NRXN1: variants seen among roughly 807,000 people sequenced by gnomAD.
NRXN1 encodes neurexin 1.
NRXN1 carries 39 observed loss-of-function variants against 150.9 expected under a neutral mutation model. The observed-to-expected ratio is 0.26, with a 90% CI of 0.20 to 0.34. NRXN1 has a LOEUF of 0.34. NRXN1 is among the 10% of genes least tolerant of loss of function. The probability of loss-of-function intolerance (pLI) is 1.00; values close to 1 mark genes in which losing one functional copy is unlikely to be tolerated. For synonymous variants in NRXN1, 924 were observed against 757.0 expected (o/e 1.22, Z -3.62); for missense variants, 1,815 against 1,949.9 (o/e 0.93, Z 1.30).
intron 17 of NRXN1, among the ~76,000 whole-genome samples, chr2:50,449,855 A>C (rs1448307339): frequency 6.6e-6 from 1 of 152,144 alleles, no homozygotes; most frequent in Non-Finnish European, 1.5e-5. Flanking sequence ...GGAGGATGTT[A>C]CCATACATCA....
intron 5 of NRXN1, among the ~76,000 whole-genome samples, chr2:50,882,886 A>G (rs1366043883): frequency 6.6e-6 from 1 of 151,906 alleles, no homozygotes; most frequent in Non-Finnish European, 1.5e-5. Flanking sequence ...TATAAAAAAG[A>G]TATACAGTTT....
At chr2:50,814,124 T>C (rs1043965987) in intron 5 of NRXN1, among the ~76,000 whole-genome samples, 8 of 152,078 alleles carry the variant, frequency 5.3e-5, no homozygotes, top group Non-Finnish European at 1.2e-4. Context: ...ATTTCATCAG[T>C]GATAATATGT....
At chr2:50,623,179 T>A in intron 6 of NRXN1, 135 bp downstream of exon 6, 3 of 662,844 alleles carry the variant, frequency 4.5e-6, no homozygotes, top group Non-Finnish European at 7.6e-6. Flanking sequence ...GGAAGATTCA[T>A]CTCAGAAGAA....
intron 5 of NRXN1, among the ~76,000 whole-genome samples, chr2:50,760,550 C>T (rs1297699139): frequency 1.3e-5 from 2 of 151,820 alleles, no homozygotes; most frequent in Non-Finnish European, 2.9e-5. Context: ...CTCTCAATAT[C>T]GCCTTTTCTA....
chr2:50,004,570 C>T (rs952794701), intron 21 of NRXN1, among the ~76,000 whole-genome samples: 2 of 152,084 alleles, frequency 1.3e-5, no homozygotes, highest in African/African-American at 2.4e-5. Flanking sequence ...ATTAAAACTT[C>T]CATTGTTCAT....
At chr2:50,592,196 C>G (rs72884075) in intron 8 of NRXN1, among the ~76,000 whole-genome samples, 4,938 of 152,248 alleles carry the variant, frequency 0.032, 253 homozygotes, top group African/African-American at 0.11. Context: ...GGCGAAATGA[C>G]AGTTTAAGGA....
At chr2:50,438,586 G>A (rs2085655438) in intron 17 of NRXN1, among the ~76,000 whole-genome samples, 1 of 152,214 alleles carries the variant, frequency 6.6e-6, no homozygotes, top group Non-Finnish European at 1.5e-5. Flanking sequence ...TTATGAGTGT[G>A]TTTGAGCAGG....
At chr2:50,675,323 T>C (rs1235569047) in intron 5 of NRXN1, among the ~76,000 whole-genome samples, 1 of 152,182 alleles carries the variant, frequency 6.6e-6, no homozygotes, top group Admixed American at 6.5e-5. Flanking sequence ...TTGGCGATAC[T>C]GCTTGCGTCT....
chr2:49,957,506 C>A (rs1573045098), intron 21 of NRXN1, among the ~76,000 whole-genome samples: 2 of 152,224 alleles, frequency 1.3e-5, no homozygotes, highest in Non-Finnish European at 1.5e-5. Flanking sequence ...AGAGAAAGTA[C>A]AAGTTTCTCA....
At chr2:50,064,494 A>T (rs566275009) in intron 19 of NRXN1, among the ~76,000 whole-genome samples, 36 of 150,788 alleles carry the variant, frequency 2.4e-4, no homozygotes, top group African/African-American at 6.6e-4. Flanking sequence ...GGTCAGGGGG[A>T]AATTTCTGCA....
intron 8 of NRXN1, among the ~76,000 whole-genome samples, chr2:50,555,455 T>C (rs550779979): frequency 2.0e-5 from 3 of 152,024 alleles, no homozygotes; most frequent in African/African-American, 4.8e-5. Flanking sequence ...GTAAAAAAAA[T>C]AGAAGTAGGG....
At chr2:50,179,212 A>G (rs938243116) in intron 18 of NRXN1, among the ~76,000 whole-genome samples, 2 of 152,108 alleles carry the variant, frequency 1.3e-5, no homozygotes, top group African/African-American at 4.8e-5. Context: ...ACATTTCACT[A>G]CATCTTCCAG....
intron 5 of NRXN1, among the ~76,000 whole-genome samples, chr2:50,735,612 T>C (rs972452922): frequency 1.3e-5 from 2 of 152,188 alleles, no homozygotes; most frequent in African/African-American, 4.8e-5. Context: ...TTCTTTGCCA[T>C]GTCCTGTCTT....
intron 17 of NRXN1, among the ~76,000 whole-genome samples, chr2:50,249,681 A>C (rs1334995621): frequency 1.3e-5 from 2 of 151,488 alleles, no homozygotes; most frequent in Non-Finnish European, 2.9e-5. Flanking sequence ...TCTGTTGTCA[A>C]GGCTGGAGTG....
intron 18 of NRXN1, among the ~76,000 whole-genome samples, chr2:50,109,441 T>C (rs953662026): frequency 6.6e-6 from 1 of 152,112 alleles, no homozygotes; most frequent in Non-Finnish European, 1.5e-5. Flanking sequence ...ATTGAAAATT[T>C]AGCCAAAAAA....
intron 5 of NRXN1, among the ~76,000 whole-genome samples, chr2:50,738,963 G>A (rs1699100489): frequency 1.3e-5 from 2 of 152,126 alleles, no homozygotes; most frequent in South Asian, 2.1e-4. Flanking sequence ...GTGTCTCTAA[G>A]CCTTAGTTTT....
At chr2:50,019,788 A>G (rs1229527459) in intron 21 of NRXN1, among the ~76,000 whole-genome samples, 3 of 150,718 alleles carry the variant, frequency 2.0e-5, no homozygotes, top group African/African-American at 7.3e-5. Context: ...CTACTAAAAA[A>G]ATACAAAAAA....
At chr2:50,789,102 C>A (rs983600884) in intron 5 of NRXN1, among the ~76,000 whole-genome samples, 38 of 152,112 alleles carry the variant, frequency 2.5e-4, no homozygotes, top group African/African-American at 8.9e-4. Context: ...TTCATATATT[C>A]CAGAATGGCC....
intron 17 of NRXN1, among the ~76,000 whole-genome samples, chr2:50,391,569 C>T (rs575912973): frequency 1.8e-4 from 28 of 152,136 alleles, no homozygotes; most frequent in South Asian, 1.0e-3. Flanking sequence ...GATATTGAAG[C>T]GTTGGGAACA....
Sources: allele counts gnomAD v4.1 joint callset (sites outside exome capture counted in the v4.1 genomes callset), GRCh38; gene constraint gnomAD v4.1.1; transcripts MANE v1.5; gene names NCBI Gene and HGNC (gene_info 2026-07-23, HGNC 2026-07-21).